THAP5: variants seen among roughly 807,000 people sequenced by gnomAD.
The protein encoded by THAP5 is THAP domain-containing protein 5.
In THAP5, 26 loss-of-function variants were observed where a neutral mutation model predicts 34.0. That is an observed-to-expected ratio of 0.77 (90% CI 0.56 to 1.06). The LOEUF is 1.06. Ranked by LOEUF, THAP5 falls within the 50% of genes least tolerant of loss-of-function variation. The pLI is 0.00. For synonymous variants in THAP5, 125 were observed against 153.0 expected, an observed-to-expected ratio of 0.82 and a Z score of 1.35; for missense variants, 394 against 452.8, an observed-to-expected ratio of 0.87 and a Z score of 1.18.
At chr7:108,556,426 A>C (rs1158884049) in intron 1 of THAP5, among the ~76,000 whole-genome samples, 1 of 152,202 alleles carries the variant, frequency 6.6e-6, no homozygotes, top group Non-Finnish European at 1.5e-5. Flanking sequence ...TCCAAGCTAC[A>C]GTGGGGGTAC....
chr7:108,545,550 C>T, the THAP5 span, among the ~76,000 whole-genome samples: 6 of 152,020 alleles, frequency 3.9e-5, no homozygotes, highest in African/African-American at 1.4e-4. Flanking sequence ...AGAATAAAAT[C>T]CTAATCAAGA....
At chr7:108,549,133 C>CT in the THAP5 span, among the ~76,000 whole-genome samples, 25 of 137,954 alleles carry the variant, frequency 1.8e-4, no homozygotes, top group Middle Eastern at 3.8e-3. Flanking sequence ...CACACAAGTA[C>CT]TTTTTTTTTT....
At chr7:108,558,796 G>T (rs992262479), downstream of THAP5, among the ~76,000 whole-genome samples, 1 of 151,944 alleles carries the variant, frequency 6.6e-6, no homozygotes, top group East Asian at 1.9e-4. Flanking sequence ...TAGCATATCT[G>T]TGTGGTTATC....
downstream of THAP5, among the ~76,000 whole-genome samples, chr7:108,549,596 G>T (rs982924312): frequency 7.9e-5 from 12 of 152,132 alleles, no homozygotes; most frequent in Non-Finnish European, 1.6e-4. Flanking sequence ...TATACATTGT[G>T]TAAGTGGTTA....
downstream of THAP5, among the ~76,000 whole-genome samples, chr7:108,558,381 G>GTATATATATATATATATA (rs66806128): frequency 1.6e-3 from 147 of 93,796 alleles, 2 homozygotes; most frequent in African/African-American, 2.8e-3. Context: ...GTGTGTGTAT[G>GTATATATATATATATATA]TATATATATA....
At chr7:108,567,521 T>C (rs1387574750) in intron 1 of THAP5, among the ~76,000 whole-genome samples, 1 of 152,222 alleles carries the variant, frequency 6.6e-6, no homozygotes, top group Admixed American at 6.5e-5. Flanking sequence ...CTGGATTGTA[T>C]TGCTTCAATA....
chr7:108,550,584 C>A (rs1864347570), downstream of THAP5, among the ~76,000 whole-genome samples: 3 of 152,126 alleles, frequency 2.0e-5, 1 homozygote, highest in South Asian at 6.2e-4. Flanking sequence ...GTGGCTTAAA[C>A]AACAGAAATT....
chr7:108,561,024 G>A (rs1864425326), downstream of THAP5, among the ~76,000 whole-genome samples: 1 of 152,148 alleles, frequency 6.6e-6, no homozygotes, highest in African/African-American at 2.4e-5. Context: ...GTGAGCCACT[G>A]TGCCTGCCTG....
chr7:108,569,159 TTA>T, intron 1 of THAP5: 1 of 1,159,880 alleles, frequency 8.6e-7, no homozygotes. Context: ...TTCACGTATC[TTA>T]AATGGTGGTT....
the THAP5 span, among the ~76,000 whole-genome samples, chr7:108,549,273 C>T: frequency 6.6e-6 from 1 of 152,032 alleles, no homozygotes; most frequent in African/African-American, 2.4e-5. Context: ...AGGTGCACAC[C>T]ACCACGCCCA....
chr7:108,567,734 G>A (rs955218412), intron 1 of THAP5, among the ~76,000 whole-genome samples: 3 of 152,142 alleles, frequency 2.0e-5, no homozygotes, highest in Non-Finnish European at 4.4e-5. Context: ...GTGTTAACAT[G>A]AGCAAATTCA....
the THAP5 span, among the ~76,000 whole-genome samples, chr7:108,542,531 C>T: frequency 2.6e-5 from 4 of 152,116 alleles, no homozygotes; most frequent in Admixed American, 2.0e-4. Flanking sequence ...GGCACGATCT[C>T]GGCTCACTGT....
chr7:108,565,754 A>G, intron 2 of THAP5, 76 bp downstream of exon 2: 2 of 1,171,626 alleles, frequency 1.7e-6, no homozygotes, highest in Non-Finnish European at 2.3e-6. Flanking sequence ...GTTCCCTCTT[A>G]CTCTCCCACC....
chr7:108,548,567 A>C, the THAP5 span, among the ~76,000 whole-genome samples: 14 of 152,232 alleles, frequency 9.2e-5, no homozygotes, highest in Non-Finnish European at 1.9e-4. Flanking sequence ...ACATAATCCA[A>C]GACTGGCTAA....
downstream of THAP5, among the ~76,000 whole-genome samples, chr7:108,557,371 C>G (rs543305024): frequency 1.3e-5 from 2 of 152,304 alleles, no homozygotes; most frequent in South Asian, 2.1e-4. Flanking sequence ...AATGTAAGTT[C>G]TAGTTTCAGG....
At position 108,569,677 on chromosome 7, in the gene THAP5, T is replaced by C; in HGVS notation, c.-108A>G. ...GCCTCTCGAGCCCCTGCGCCTGCGC[T>C]AGCATTCTGCCGGGAAAGCCGCCTC... On this transcript the variant is annotated 5_prime_UTR_variant, in exon 1 of 3. Coordinates refer to ENST00000415914, the MANE Select transcript of THAP5 (RefSeq NM_001130475.3). The C allele has an allele frequency of 7.1e-7, 1 of 1,417,448 alleles. No homozygotes were observed. Among genetic ancestry groups the C allele is most frequent in the Non-Finnish European group, 9.6e-7 (1 of 1,045,416 alleles). 87.8% of individuals were successfully genotyped at this position (1,417,448 alleles called of 1,614,324 possible).
rs890082150 is a variant in THAP5 at position 108,569,685 on chromosome 7, T to G, written c.-116A>C. 2.9e-6 allele frequency: 4 copies of G among 1,383,082 alleles called. No individual in the cohort carries two copies. The highest frequency in any genetic ancestry group is 2.9e-6 in the Non-Finnish European group (3 of 1,017,538). 85.7% of individuals were successfully genotyped at this position (1,383,082 alleles called of 1,614,324 possible). A position where few individuals can be genotyped will look rare whatever the true frequency, so the allele number is the denominator to read the frequency against. ...AGCCCCTGCGCCTGCGCTAGCATTC[T>G]GCCGGGAAAGCCGCCTCGTCTGTCG... is the stretch of plus-strand genomic sequence containing the variant. On this transcript the variant is annotated 5_prime_UTR_variant, in exon 1 of 3. Transcript: ENST00000415914.
chr7:108,556,943 G>T (rs1244074807), intron 1 of THAP5, among the ~76,000 whole-genome samples: 1 of 152,246 alleles, frequency 6.6e-6, no homozygotes, highest in African/African-American at 2.4e-5. Flanking sequence ...CTAGGTGGAG[G>T]CTTCCAAACC....
downstream of THAP5, among the ~76,000 whole-genome samples, chr7:108,552,749 G>A (rs965923028): frequency 7.2e-5 from 11 of 152,186 alleles, no homozygotes; most frequent in East Asian, 1.7e-3. Context: ...GCAGTGAGCC[G>A]AGGTCACGCT....
Sources: allele counts gnomAD v4.1 joint callset (sites outside exome capture counted in the v4.1 genomes callset), GRCh38; gene constraint gnomAD v4.1.1; transcripts MANE v1.5; gene names NCBI Gene and HGNC (gene_info 2026-07-23, HGNC 2026-07-21).